APBB1IP: variants seen among roughly 807,000 people sequenced by gnomAD.
APBB1IP encodes the protein amyloid beta precursor protein binding family B member 1 interacting protein.
Under a neutral mutation model 64.9 loss-of-function variants are expected in APBB1IP, and 27 were observed. The ratio of observed to expected loss-of-function variants is 0.42; its 90% confidence interval spans 0.31 to 0.57. The LOEUF (loss-of-function observed/expected upper bound fraction) is 0.57. Ranked by LOEUF, APBB1IP falls within the 20% of genes least tolerant of loss-of-function variation. The probability of loss-of-function intolerance (pLI) is 0.20; values close to 1 mark genes in which losing one functional copy is unlikely to be tolerated. For synonymous variants in APBB1IP, 392 were observed against 331.0 expected (o/e 1.18, Z -2.00); for missense variants, 812 against 845.5 (o/e 0.96, Z 0.49).
chr10:26,490,704 T>C (rs986697117), intron 2 of APBB1IP, among the ~76,000 whole-genome samples: 2 of 152,240 alleles, frequency 1.3e-5, no homozygotes, highest in African/African-American at 4.8e-5. Flanking sequence ...TAATATTTGC[T>C]TTAAAATATC....
intron 10 of APBB1IP, among the ~76,000 whole-genome samples, chr10:26,539,180 G>A (rs1836665861): frequency 6.6e-6 from 1 of 152,194 alleles, no homozygotes; most frequent in South Asian, 2.1e-4. Context: ...GGAGGACCAG[G>A]TGGGAGGATA....
chr10:26,536,728 G>A (rs1193695209), intron 10 of APBB1IP, among the ~76,000 whole-genome samples: 2 of 68,580 alleles, frequency 2.9e-5, no homozygotes, highest in African/African-American at 1.3e-4. Context: ...CCCACCCCCC[G>A]CCAAGTAGCT....
At chr10:26,495,965 T>A (rs570257463) in intron 3 of APBB1IP, among the ~76,000 whole-genome samples, 63 of 129,624 alleles carry the variant, frequency 4.9e-4, no homozygotes, top group African/African-American at 2.1e-3. Flanking sequence ...TATATATATT[T>A]AATATATATA....
chr10:26,492,356 A>C lies in APBB1IP; in HGVS notation c.30A>C (p.Gln10His). 1 of 1,613,966 alleles carries C rather than the reference A, an allele frequency of 6.2e-7. No homozygotes were observed. The highest frequency in any genetic ancestry group is 2.2e-5 in the East Asian group (1 of 44,854). The change falls in exon 3 of 15, where the codon CAA (glutamine) becomes CAC (histidine). Residue 10 changes from glutamine to histidine, a missense_variant. Gln to His is a conservative substitution (Grantham distance 24). This residue lies in a region of APBB1IP where 394 missense variants were observed against 413.1 expected (regional missense o/e 0.95). Coordinates refer to ENST00000376236, the MANE Select transcript of APBB1IP (RefSeq NM_019043.4). ...GTGAGTCAAGTGAAGACATAGACCA[A>C]ATGTTCAGCACTTTGCTGGGAGAGA... is the stretch of plus-strand genomic sequence containing the variant. Reference protein sequence around the residue: MGESSEDIDQMFSTLLGEMD... With the variant: MGESSEDIDHMFSTLLGEMD...
chr10:26,481,188 G>A (rs918370504), intron 2 of APBB1IP, among the ~76,000 whole-genome samples: 1 of 152,094 alleles, frequency 6.6e-6, no homozygotes, highest in African/African-American at 2.4e-5. Flanking sequence ...ACAGACAGAT[G>A]GAAGTGGGGA....
chr10:26,561,064 C>CTTTTTTTTTTTTTTTTTTTTTTTTTTTTT (rs764573338), intron 13 of APBB1IP, among the ~76,000 whole-genome samples: 2 of 69,208 alleles, frequency 2.9e-5, no homozygotes, highest in African/African-American at 5.9e-5. Flanking sequence ...TTCTTTCTTT[C>CTTTTTTTTTTTTTTTTTTTTTTTTTTTTT]TTTTTTTTTT....
intron 11 of APBB1IP, among the ~76,000 whole-genome samples, chr10:26,544,190 A>G (rs1466346140): frequency 1.3e-5 from 2 of 152,190 alleles, no homozygotes; most frequent in Non-Finnish European, 2.9e-5. Context: ...CCCTTGAGTC[A>G]CATCTTCCCA....
chr10:26,539,543 T>C (rs1223296541), intron 10 of APBB1IP, among the ~76,000 whole-genome samples: 2 of 152,176 alleles, frequency 1.3e-5, no homozygotes, highest in Admixed American at 1.3e-4. Flanking sequence ...AATGTTTTTA[T>C]AATTTTGAGC....
chr10:26,547,535 G>A (rs11015166), intron 11 of APBB1IP, among the ~76,000 whole-genome samples: 1,683 of 152,058 alleles, frequency 0.011, 43 homozygotes, highest in African/African-American at 0.039. Context: ...TCCGCCTCTC[G>A]GGTTCAAGCA....
intron 2 of APBB1IP, among the ~76,000 whole-genome samples, chr10:26,468,597 CATT>C (rs1194739652): frequency 5.3e-5 from 8 of 151,078 alleles, no homozygotes; most frequent in Admixed American, 3.3e-4. Flanking sequence ...AATTGGGAAA[CATT>C]ATTATTAGGT....
intron 8 of APBB1IP, among the ~76,000 whole-genome samples, chr10:26,529,808 T>G (rs948446581): frequency 9.9e-5 from 15 of 152,036 alleles, no homozygotes; most frequent in African/African-American, 3.6e-4. Context: ...ACCCAATTAA[T>G]TTTTGTATTT....
At chr10:26,556,871 T>TA (rs367936021) in intron 11 of APBB1IP, among the ~76,000 whole-genome samples, 130 of 152,310 alleles carry the variant, frequency 8.5e-4, no homozygotes, top group African/African-American at 3.0e-3. Flanking sequence ...TTGCCTCTCT[T>TA]ACATGACAAT....
Position 26,567,160 on chromosome 10 carries a change from C to G in APBB1IP, c.1673C>G (p.Pro558Arg). 7.1e-7 allele frequency: 1 copy of G among 1,416,012 alleles called. No individual in the cohort carries two copies. The highest frequency in any genetic ancestry group is 9.2e-7 in the Non-Finnish European group (1 of 1,092,458). The allele number at this position is 1,416,012 out of a possible 1,614,324, so 87.7% of individuals were successfully genotyped here. The change falls in exon 15 of 15, where the codon CCA becomes CGA. Residue 558 changes from proline to arginine, a missense_variant. Transcript: ENST00000376236. The part of the protein sequence containing the change: ...APPDDFLPPP[P>R]PPPPLDDPEL... ...CCCGACGACTTCCTGCCGCCGCCGC[C>G]ACCGCCGCCGCCCCTCGATGACCCT...
chr10:26,532,937 G>C (rs1249442573), intron 8 of APBB1IP, among the ~76,000 whole-genome samples: 2 of 152,170 alleles, frequency 1.3e-5, no homozygotes, highest in African/African-American at 4.8e-5. Context: ...AAAAATAAAA[G>C]AGGCCGCTAA....
chr10:26,457,156 C>T (rs1008635753), intron 2 of APBB1IP, among the ~76,000 whole-genome samples: 2 of 152,180 alleles, frequency 1.3e-5, no homozygotes, highest in Non-Finnish European at 1.5e-5. Flanking sequence ...AGGAGCTAGG[C>T]TGTGCTTGGT....
intron 2 of APBB1IP, among the ~76,000 whole-genome samples, chr10:26,463,257 G>T (rs1835613666): frequency 6.6e-6 from 1 of 152,104 alleles, no homozygotes; most frequent in Non-Finnish European, 1.5e-5. Context: ...GGGCAAGATA[G>T]TGAGATCCCA....
In APBB1IP at chr10:26,501,059, A is replaced by T; in HGVS notation, c.401A>T (p.Asp134Val). ...YEDDLPPPPA[D>V]PVLDLPLPPP... The stretch of plus-strand genomic sequence containing the variant: ...GATGACTTACCACCTCCACCAGCCG[A>T]TCCTGTGTTAGACCTTCCACTGCCA... Residue 134 changes from aspartate to valine, a missense_variant, in exon 5 of 15, where the codon GAT becomes GTT. Around this residue, in one of 3 missense-constraint regions of APBB1IP, gnomAD observed 394 missense variants for 413.1 expected, o/e 0.95. Coordinates refer to ENST00000376236, the MANE Select transcript of APBB1IP (RefSeq NM_019043.4). The T allele has an allele frequency of 6.2e-7, 1 of 1,614,140 alleles. No individual in the cohort carries two copies. Among genetic ancestry groups the T allele is most frequent in the East Asian group, 2.2e-5 (1 of 44,878 alleles).
intron 10 of APBB1IP, among the ~76,000 whole-genome samples, chr10:26,539,333 G>T (rs1161837762): frequency 6.6e-6 from 1 of 151,274 alleles, no homozygotes; most frequent in Non-Finnish European, 1.5e-5. Flanking sequence ...GATCATTTGA[G>T]CCCGGGAGGT....
intron 11 of APBB1IP, among the ~76,000 whole-genome samples, chr10:26,544,922 G>A (rs1319346197): frequency 1.3e-5 from 2 of 152,236 alleles, no homozygotes; most frequent in Non-Finnish European, 2.9e-5. Context: ...CCAAAGGAGA[G>A]AGGGGGCTCA....
Sources: gnomAD v4.1 joint callset for allele counts (sites outside exome capture counted in the v4.1 genomes callset) on GRCh38, gnomAD v4.1.1 for gene constraint, gnomAD v4.1.1 regional missense constraint, MANE v1.5 for transcripts, NCBI Gene and HGNC (gene_info 2026-07-23, HGNC 2026-07-21) for gene names.